FSTL5: variants seen among roughly 807,000 people sequenced by gnomAD.
FSTL5 encodes follistatin-related protein 5.
A neutral mutation model predicts 89.1 loss-of-function variants in FSTL5; 62 were observed. That is an observed-to-expected ratio of 0.70 (90% CI 0.57 to 0.86). FSTL5 has a LOEUF of 0.86. FSTL5 is among the 40% of genes least tolerant of loss of function. The pLI, the probability that FSTL5 is intolerant of heterozygous loss-of-function variation, is 0.00. For synonymous variants in FSTL5, 383 were observed against 346.2 expected (o/e 1.11, Z -1.18); for missense variants, 1,057 against 1,001.6 (o/e 1.06, Z -0.75).
chr4:161,832,487 T>A (rs958950232), intron 4 of FSTL5, among the ~76,000 whole-genome samples: 1 of 152,174 alleles, frequency 6.6e-6, no homozygotes, highest in Non-Finnish European at 1.5e-5. Flanking sequence ...CTGGTAGAAT[T>A]CGGCTGTGAA....
intron 6 of FSTL5, among the ~76,000 whole-genome samples, chr4:161,681,866 T>A (rs1169032731): frequency 1.3e-5 from 2 of 152,158 alleles, no homozygotes; most frequent in African/African-American, 2.4e-5. Flanking sequence ...ATGTATCACT[T>A]AATGACAGCG....
intron 6 of FSTL5, among the ~76,000 whole-genome samples, chr4:161,753,544 G>A (rs1282201700): frequency 6.6e-6 from 1 of 151,988 alleles, no homozygotes; most frequent in East Asian, 1.9e-4. Context: ...TCTTAATTTT[G>A]TTCACTAAAC....
At chr4:161,710,813 C>G (rs1039324747) in intron 6 of FSTL5, among the ~76,000 whole-genome samples, 1 of 152,062 alleles carries the variant, frequency 6.6e-6, no homozygotes. Flanking sequence ...ATATGATAAG[C>G]CTTAGAACAA....
In FSTL5 at chr4:161,803,367, T is replaced by C. The variant is rs1560854893; in HGVS notation, c.410-27293A>G. ...AAAACTTTGAAGATAATATATCCTG[T>C]ACTGACTCAGCATAATTGTCAATTT... On this transcript the variant is annotated intron_variant, in intron 4 of 15. Transcript: ENST00000306100. 2.0e-5 allele frequency among the ~76,000 whole-genome samples: 3 copies of C among 152,088 alleles called. No homozygotes were observed. The South Asian group carries it at 6.2e-4, about 31-fold the overall frequency.
At chr4:161,783,671 TTCTTTC>T (rs751276963) in intron 4 of FSTL5, among the ~76,000 whole-genome samples, 2,634 of 19,384 alleles carry the variant, frequency 0.14, 230 homozygotes, top group Non-Finnish European at 0.18. Flanking sequence ...TTCTCTTTCT[TTCTTTC>T]TCTTTCTTTC....
chr4:161,877,197 A>G (rs1732472757), intron 4 of FSTL5, among the ~76,000 whole-genome samples: 2 of 150,948 alleles, frequency 1.3e-5, no homozygotes, highest in Non-Finnish European at 2.9e-5. Context: ...AAAAAAAAAA[A>G]ATTACTATGA....
chr4:161,619,763 T>C (rs1377985524), intron 7 of FSTL5, among the ~76,000 whole-genome samples: 9 of 152,072 alleles, frequency 5.9e-5, no homozygotes, highest in Admixed American at 4.6e-4. Flanking sequence ...AGTTCAACCA[T>C]TGTGGAAGTC....
At chr4:161,684,297 T>C (rs557320431) in intron 6 of FSTL5, among the ~76,000 whole-genome samples, 247 of 152,316 alleles carry the variant, frequency 1.6e-3, no homozygotes, top group Non-Finnish European at 3.1e-3. Context: ...TACCCAGTAG[T>C]GGGATTGCTG....
intron 3 of FSTL5, among the ~76,000 whole-genome samples, chr4:161,942,712 T>C (rs1484279602): frequency 6.6e-6 from 1 of 152,286 alleles, no homozygotes; most frequent in Non-Finnish European, 1.5e-5. Flanking sequence ...CAATATTCTT[T>C]ATGAATATAG....
rs889279061 is a variant in FSTL5 at position 161,461,323 on chromosome 4, G to A, written c.1609-2004C>T. On this transcript the variant is annotated intron_variant, in intron 13 of 15. Coordinates refer to ENST00000306100, the MANE Select transcript of FSTL5 (RefSeq NM_020116.5). The stretch of plus-strand genomic sequence containing the variant: ...AAACAAACAAAAAAATTAGCCAGGA[G>A]CTGTGGCGGGCGCCTGTAGTCCCAG... 3.7e-4 allele frequency among the ~76,000 whole-genome samples: 54 copies of A among 147,922 alleles called. 1 individual carries two copies. The highest frequency in any genetic ancestry group is 1.3e-3 in the African/African-American group (52 of 40,156).
rs1730644433 is a variant in FSTL5 at position 161,386,367 on chromosome 4, A to G, written c.1924T>C (p.Leu642=). 6.2e-7 allele frequency: 1 copy of G among 1,613,912 alleles called. No individual in the cohort carries two copies. The highest frequency in any genetic ancestry group is 1.1e-5 in the South Asian group (1 of 91,080). Residue 642 remains leucine (L), a synonymous_variant, in exon 16 of 16, where the codon TTG becomes CTG. Coordinates refer to ENST00000306100, the MANE Select transcript of FSTL5 (RefSeq NM_020116.5). The stretch of plus-strand genomic sequence containing the variant: ...TGAGGAACGCACTTATAGTCCTTCA[A>G]GTTAATTGTCTTGATGTATGACATG... ...ETMSYIKTIN[L]KDYKCVPQSL...
chr4:161,883,305 C>A (rs1384992586), intron 4 of FSTL5, among the ~76,000 whole-genome samples: 2 of 152,188 alleles, frequency 1.3e-5, no homozygotes, highest in Admixed American at 1.3e-4. Flanking sequence ...TGAACAAGCT[C>A]TATTCACTCA....
intron 2 of FSTL5, among the ~76,000 whole-genome samples, chr4:162,087,281 A>G (rs1226992363): frequency 6.6e-6 from 1 of 152,124 alleles, no homozygotes; most frequent in Non-Finnish European, 1.5e-5. Context: ...ACTTCAATTA[A>G]TGAAAGTTAG....
intron 2 of FSTL5, among the ~76,000 whole-genome samples, chr4:162,060,885 T>C (rs927850439): frequency 2.0e-5 from 3 of 152,052 alleles, no homozygotes; most frequent in Non-Finnish European, 4.4e-5. Context: ...TACAGAAATT[T>C]CTGAAAGAGA....
At chr4:161,964,805 A>G (rs964091133) in intron 3 of FSTL5, among the ~76,000 whole-genome samples, 1 of 152,160 alleles carries the variant, frequency 6.6e-6, no homozygotes, top group African/African-American at 2.4e-5. Flanking sequence ...ATATGTAACC[A>G]TTACATTTTG....
rs189550658 is a variant in FSTL5, at chr4:161,494,482, C to A, written c.1458+5534G>T. Among the ~76,000 whole-genome samples the A allele has an allele frequency of 4.3e-3, 661 of 152,208 alleles. 18 individuals carry two copies. Among genetic ancestry groups the A allele is most frequent in the Admixed American group, 0.039 (594 of 15,266 alleles). On this transcript the variant is annotated intron_variant, in intron 12 of 15. Coordinates refer to ENST00000306100, the MANE Select transcript of FSTL5 (RefSeq NM_020116.5). ...AGGCTGCTTTGTTTGAGATAAAGGA[C>A]AACAACAGCAGAGAAAGAAATGTGG... is the stretch of plus-strand genomic sequence containing the variant.
intron 15 of FSTL5, among the ~76,000 whole-genome samples, chr4:161,412,300 A>T (rs555851842): frequency 4.8e-4 from 73 of 152,208 alleles, no homozygotes; most frequent in African/African-American, 1.7e-3. Flanking sequence ...TTCCAATCAA[A>T]CTACCAATAT....
At chr4:161,416,447 T>C (rs530104434) in intron 15 of FSTL5, among the ~76,000 whole-genome samples, 1 of 152,220 alleles carries the variant, frequency 6.6e-6, no homozygotes, top group Admixed American at 6.5e-5. Context: ...ATTTTAAATA[T>C]GAATAAAATC....
intron 6 of FSTL5, among the ~76,000 whole-genome samples, chr4:161,693,302 T>G (rs1738017289): frequency 6.6e-6 from 1 of 152,214 alleles, no homozygotes; most frequent in African/African-American, 2.4e-5. Flanking sequence ...TTTATCAGAA[T>G]AATTCTAGTC....
Sources: allele counts gnomAD v4.1 joint callset (sites outside exome capture counted in the v4.1 genomes callset), GRCh38; gene constraint gnomAD v4.1.1; transcripts MANE v1.5; gene names NCBI Gene and HGNC (gene_info 2026-07-23, HGNC 2026-07-21).